TUSC3: variants seen among roughly 807,000 people sequenced by gnomAD.
The protein encoded by TUSC3 is tumor suppressor candidate 3.
A neutral mutation model predicts 44.8 loss-of-function variants in TUSC3; 45 were observed. The ratio of observed to expected loss-of-function variants is 1.00; its 90% CI spans 0.79 to 1.29. The LOEUF is 1.29. Ranked by LOEUF, TUSC3 falls within the 50% of genes most tolerant of loss-of-function variation. The pLI, the probability that TUSC3 is intolerant of heterozygous loss-of-function variation, is 0.00. For missense variants in TUSC3, 519 were observed against 437.9 expected, an observed-to-expected ratio of 1.19 and a Z score of -1.65; for synonymous variants, 212 against 152.9, an observed-to-expected ratio of 1.39 and a Z score of -2.85.
intron 1 of TUSC3, among the ~76,000 whole-genome samples, chr8:15,583,908 G>T (rs1429083): frequency 0.025 from 3,865 of 152,112 alleles, 176 homozygotes; most frequent in African/African-American, 0.088. Flanking sequence ...GGAAAAATCA[G>T]GAAAGGAAAT....
intron 1 of TUSC3, among the ~76,000 whole-genome samples, chr8:15,574,565 A>G (rs950264677): frequency 1.3e-5 from 2 of 152,150 alleles, no homozygotes; most frequent in Non-Finnish European, 2.9e-5. Flanking sequence ...TATTTAGTAA[A>G]GCATTCAGCT....
chr8:15,679,643 A>T (rs1218479007), intron 6 of TUSC3, among the ~76,000 whole-genome samples: 1 of 152,074 alleles, frequency 6.6e-6, no homozygotes, highest in Non-Finnish European at 1.5e-5. Context: ...GTTGCTTTTG[A>T]AGACTTAGTC....
At chr8:15,656,400 A>T (rs767293027) in intron 3 of TUSC3, among the ~76,000 whole-genome samples, 6 of 152,220 alleles carry the variant, frequency 3.9e-5, no homozygotes, top group Non-Finnish European at 7.3e-5. Flanking sequence ...CAGGCATTGA[A>T]TAGACATTCC....
At chr8:15,818,406 T>C in the TUSC3 span, among the ~76,000 whole-genome samples, 1 of 152,212 alleles carries the variant, frequency 6.6e-6, no homozygotes, top group Non-Finnish European at 1.5e-5. Context: ...TTGCCTCTTT[T>C]AAGACGCCTT....
At chr8:15,528,797 C>G (rs1801411035) in intron 2 of TUSC3, among the ~76,000 whole-genome samples, 1 of 152,210 alleles carries the variant, frequency 6.6e-6, no homozygotes, top group Admixed American at 6.5e-5. Flanking sequence ...TACCTTCCCT[C>G]TGTATAATTT....
intron 10 of TUSC3, among the ~76,000 whole-genome samples, chr8:15,758,668 G>C (rs907724691): frequency 6.6e-6 from 1 of 152,020 alleles, no homozygotes; most frequent in African/African-American, 2.4e-5. Context: ...GTTCTGAACT[G>C]GCTCTTCATC....
At chr8:15,553,511 AAC>A (rs1802128597) in intron 1 of TUSC3, among the ~76,000 whole-genome samples, 2 of 100,608 alleles carry the variant, frequency 2.0e-5, no homozygotes, top group East Asian at 3.1e-4. Context: ...CTTACAAGGA[AAC>A]ACAGCAGAAT....
intron 2 of TUSC3, among the ~76,000 whole-genome samples, chr8:15,507,351 A>T (rs898192319): frequency 5.3e-5 from 8 of 152,190 alleles, no homozygotes; most frequent in African/African-American, 1.9e-4. Context: ...GCTATCTCTC[A>T]TATATACAAC....
chr8:15,525,313 A>G (rs182063483), intron 2 of TUSC3, among the ~76,000 whole-genome samples: 1 of 152,052 alleles, frequency 6.6e-6, no homozygotes, highest in Non-Finnish European at 1.5e-5. Flanking sequence ...GCTCTCTGAG[A>G]CAAAGTTTCT....
At chr8:15,761,400 C>T (rs1298222490) in intron 10 of TUSC3, among the ~76,000 whole-genome samples, 1 of 152,138 alleles carries the variant, frequency 6.6e-6, no homozygotes, top group Non-Finnish European at 1.5e-5. Flanking sequence ...GGAATGGTTG[C>T]TTCTCTTAGG....
At chr8:15,635,450 TTA>T (rs1366279042) in intron 2 of TUSC3, among the ~76,000 whole-genome samples, 1 of 152,152 alleles carries the variant, frequency 6.6e-6, no homozygotes, top group African/African-American at 2.4e-5. Context: ...ACCTATTGGC[TTA>T]TGTTTTGGTG....
chr8:15,426,938 G>C (rs937717704), intron 1 of TUSC3, among the ~76,000 whole-genome samples: 1 of 152,118 alleles, frequency 6.6e-6, no homozygotes, highest in Non-Finnish European at 1.5e-5. Flanking sequence ...GATAATTGTA[G>C]CTTTCATTTG....
At chr8:15,553,644 G>T (rs140200960) in intron 1 of TUSC3, among the ~76,000 whole-genome samples, 17 of 151,850 alleles carry the variant, frequency 1.1e-4, no homozygotes, top group South Asian at 6.3e-4. Context: ...CTTCATTGCA[G>T]TGTTACAGTG....
the TUSC3 span, among the ~76,000 whole-genome samples, chr8:15,832,300 G>A: frequency 2.6e-5 from 4 of 152,080 alleles, no homozygotes; most frequent in African/African-American, 9.7e-5. Flanking sequence ...CACTGAATAT[G>A]GAAAGACTGT....
intron 1 of TUSC3, among the ~76,000 whole-genome samples, chr8:15,594,805 A>G (rs548831474): frequency 1.7e-4 from 26 of 152,298 alleles, no homozygotes; most frequent in Non-Finnish European, 3.4e-4. Flanking sequence ...TTATGCAACA[A>G]GTTACATAAG....
chr8:15,665,932 C>T (rs1412643664), intron 5 of TUSC3, among the ~76,000 whole-genome samples: 1 of 151,296 alleles, frequency 6.6e-6, no homozygotes, highest in Non-Finnish European at 1.5e-5. Context: ...GGTTTCACTC[C>T]CTTCTGTCTT....
rs1486507669 is a variant in TUSC3, at chr8:15,650,607, G to C, written c.309-90G>C. ...TTACAGTCTGTACAAAAACTGGCCA[G>C]TGCTTGTCCTAGGGTTGTCTGTTTT... On this transcript the variant is annotated intron_variant, in intron 2 of 10. Coordinates refer to ENST00000503731, the MANE Select transcript of TUSC3 (RefSeq NM_006765.4). The C allele has an allele frequency of 5.4e-6, 6 of 1,116,586 alleles. No homozygotes were observed. The African/African-American group carries it at 6.1e-5, about 11-fold the overall frequency. The allele number at this position is 1,116,586 out of a possible 1,614,324, so 69.2% of individuals were successfully genotyped here.
the TUSC3 span, among the ~76,000 whole-genome samples, chr8:15,808,311 A>C: frequency 1.3e-5 from 2 of 152,138 alleles, no homozygotes; most frequent in Non-Finnish European, 2.9e-5. Flanking sequence ...TTAATATATT[A>C]AACATAAAAA....
chr8:15,756,358 A>T (rs941340078), intron 9 of TUSC3, among the ~76,000 whole-genome samples: 3 of 152,146 alleles, frequency 2.0e-5, no homozygotes, highest in African/African-American at 7.2e-5. Context: ...ATGGGGATAA[A>T]TTATATAATC....
Sources: allele counts gnomAD v4.1 joint callset (sites outside exome capture counted in the v4.1 genomes callset), GRCh38; gene constraint gnomAD v4.1.1; transcripts MANE v1.5; gene names NCBI Gene and HGNC (gene_info 2026-07-23, HGNC 2026-07-21).